Variants in TNC observed in about 807,000 individuals in gnomAD.
The protein encoded by TNC is tenascin.
In TNC, 109 loss-of-function variants were observed where a neutral mutation model predicts 202.4. The observed-to-expected ratio is 0.54, with a 90% CI of 0.46 to 0.63. TNC has a LOEUF of 0.63. Ranked by LOEUF, TNC falls within the 30% of genes least tolerant of loss-of-function variation. The probability of loss-of-function intolerance (pLI) is 0.00; values close to 1 mark genes in which losing one functional copy is unlikely to be tolerated. For synonymous variants in TNC, 1,007 were observed against 1,089.7 expected (o/e 0.92, Z 1.50); for missense variants, 2,756 against 2,833.3 (o/e 0.97, Z 0.62).
intron 19 of TNC, among the ~76,000 whole-genome samples, chr9:115,040,211 T>G (rs78071123): frequency 0.046 from 6,946 of 152,346 alleles, 234 homozygotes; most frequent in Non-Finnish European, 0.07. Flanking sequence ...CCGACCTATG[T>G]TCAAATTTGG....
Position 115,073,695 on chromosome 9 carries a change from C to T in TNC, c.3122G>A (p.Arg1041Lys), listed in dbSNP as rs761076779. ...LPRNTTSYVL[R>K]GLEPGQEYNV... is the part of the protein sequence containing the mutation. ...GTACTCCTGTCCTGGTTCCAGGCCTCTCAGGACATAGGAAGTGGTGTTTCT... is the reference window on the plus strand; with the variant it reads ...GTACTCCTGTCCTGGTTCCAGGCCTTTCAGGACATAGGAAGTGGTGTTTCT... Residue 1041 changes from arginine (R) to lysine (K), a missense_variant, in exon 10 of 28, where the codon AGA becomes AAA. By Grantham distance (26) the Arg-to-Lys change is conservative (BLOSUM62 2). Around this residue, in one of 2 missense-constraint regions of TNC, gnomAD observed 2,559 missense variants for 2,546.0 expected, o/e 1.01. Coordinates refer to ENST00000350763, the MANE Select transcript of TNC (RefSeq NM_002160.4). 11 of 1,614,144 alleles carry T rather than the reference C, an allele frequency of 6.8e-6. No individual in the cohort carries two copies. In the South Asian group the frequency reaches 1.2e-4, roughly 18 times the overall value.
rs757229760 is a variant in TNC at position 115,035,338 on chromosome 9, G to A, written c.5657-4C>T. On this transcript the variant is annotated splice_polypyrimidine_tract_variant and splice_region_variant and intron_variant, in intron 21 of 27. Transcript: ENST00000350763. ...AAGTCTCTTGGAGAATCGAGGTCTG[G>A]AGAAGACAGGATGATTAATATCGGA... 4 of 1,608,572 alleles carry A rather than the reference G, an allele frequency of 2.5e-6. No individual in the cohort carries two copies. Among genetic ancestry groups the A allele is most frequent in the Non-Finnish European group, 3.4e-6 (4 of 1,177,822 alleles).
chr9:115,064,767 G>C lies in TNC; in HGVS notation c.3367C>G (p.Pro1123Ala). Residue 1123 changes from proline (P) to alanine (A), a missense_variant, in exon 11 of 28, where the codon CCT becomes GCT. Physicochemically the swap from Pro to Ala is conservative, Grantham distance 27. Transcript: ENST00000350763. ...KVEAARNLTVPGSLRAVDIPG... is the reference protein window; with the variant it reads ...KVEAARNLTVAGSLRAVDIPG... ...ATGTCCACAGCCCGAAGGCTGCCAG[G>C]CACGGTGAGGTTCCGAGCTGCCTCC... 1.2e-6 allele frequency: 2 copies of C among 1,614,186 alleles called. No individual in the cohort carries two copies. Among genetic ancestry groups the C allele is most frequent in the South Asian group, 1.1e-5 (1 of 91,080 alleles).
intron 16 of TNC, among the ~76,000 whole-genome samples, chr9:115,047,079 T>C (rs916936785): frequency 1.3e-5 from 2 of 152,124 alleles, no homozygotes; most frequent in Non-Finnish European, 2.9e-5. Context: ...TCTTTTCTTT[T>C]TGAAAAGACA....
Position 115,090,596 on chromosome 9 carries a change from A to G in TNC, c.423T>C (p.Thr141=). The change falls in exon 2 of 28, where the codon ACT becomes ACC. Residue 141 remains threonine, a synonymous_variant. Transcript: ENST00000350763. The part of the protein sequence containing the change: ...NLVSSLREQC[T]AGAGCCLQPA... ...GCTGGAGACAGCAGCCTGCTCCTGC[A>G]GTACATTGCTCCCTCAGGGAAGACA... 6.3e-7 allele frequency: 1 copy of G among 1,592,946 alleles called. No homozygotes were observed.
intron 19 of TNC, among the ~76,000 whole-genome samples, chr9:115,040,674 C>A (rs192307081): frequency 6.6e-6 from 1 of 152,270 alleles, no homozygotes; most frequent in African/African-American, 2.4e-5. Context: ...CAAACTTGGA[C>A]TTTTTCTTTC....
At chr9:115,022,944 A>G (rs554194559) in intron 27 of TNC, among the ~76,000 whole-genome samples, 2 of 152,152 alleles carry the variant, frequency 1.3e-5, no homozygotes, top group South Asian at 4.1e-4. Context: ...TTGAAAAGCA[A>G]CAGGTCCCAA....
intron 19 of TNC, among the ~76,000 whole-genome samples, chr9:115,039,836 C>T (rs1830600116): frequency 6.6e-6 from 1 of 152,184 alleles, no homozygotes; most frequent in Non-Finnish European, 1.5e-5. Flanking sequence ...CATCTGTTGC[C>T]GTGGAGAATC....
Position 115,035,257 on chromosome 9 carries a change from C to A in TNC, c.5734G>T (p.Ala1912Ser). The A allele has an allele frequency of 6.2e-7, 1 of 1,613,354 alleles. No individual in the cohort carries two copies. The highest frequency in any genetic ancestry group is 8.5e-7 in the Non-Finnish European group (1 of 1,179,652). Residue 1912 changes from alanine to serine, a missense_variant, in exon 22 of 28, where the codon GCA (alanine) becomes TCA (serine). Around this residue, in one of 2 missense-constraint regions of TNC, gnomAD observed 2,559 missense variants for 2,546.0 expected, o/e 1.01. Coordinates refer to ENST00000350763, the MANE Select transcript of TNC (RefSeq NM_002160.4). ...TALLTWRPPR[A>S]SVTGYLLVYE... ...ACCAGCAGGTAACCGGTGACTGATGCCCGGGGGGGTCGCCAGGTAAGGAGG... is the reference window on the plus strand; with the variant it reads ...ACCAGCAGGTAACCGGTGACTGATGACCGGGGGGGTCGCCAGGTAAGGAGG...
chr9:115,062,650 CAT>C (rs529923238), intron 13 of TNC, among the ~76,000 whole-genome samples: 11 of 148,630 alleles, frequency 7.4e-5, no homozygotes, highest in Non-Finnish European at 1.0e-4. Flanking sequence ...TACACACACA[CAT>C]ATATATATAT....
In TNC at chr9:115,048,649, T is replaced by A. The variant is rs190145097; in HGVS notation, c.4580-117A>T. ...AGTCCATCATTCAATTTGTGTTATA[T>A]GCTTAGAAAATGAAAATTCAGTAAG... is the stretch of plus-strand genomic sequence containing the variant. On this transcript the variant is annotated intron_variant, in intron 15 of 27. Transcript: ENST00000350763. 3.8e-4 allele frequency: 414 copies of A among 1,091,904 alleles called. 2 individuals are homozygous for A. In the African/African-American group the frequency reaches 6.0e-3, roughly 16 times the overall value. The allele number at this position is 1,091,904 out of a possible 1,614,324, so 67.6% of individuals were successfully genotyped here. A position where few individuals can be genotyped will look rare whatever the true frequency, so the allele number is the denominator to read the frequency against.
chr9:115,034,435 G>A (rs1312161387), intron 22 of TNC, among the ~76,000 whole-genome samples: 2 of 152,158 alleles, frequency 1.3e-5, no homozygotes, highest in East Asian at 3.8e-4. Flanking sequence ...TCTCCAACAT[G>A]AAAGACAGAA....
At chr9:115,067,308 A>T (rs1428331504) in intron 10 of TNC, among the ~76,000 whole-genome samples, 2 of 152,014 alleles carry the variant, frequency 1.3e-5, no homozygotes, top group African/African-American at 4.8e-5. Context: ...AATCAACCCT[A>T]TGTCTTCTTA....
chr9:115,041,571 T>C (rs1830760896), intron 18 of TNC, among the ~76,000 whole-genome samples: 1 of 152,178 alleles, frequency 6.6e-6, no homozygotes, highest in Non-Finnish European at 1.5e-5. Context: ...ACACAGAAAT[T>C]GTATTTCTTA....
At chr9:115,106,923 A>G (rs1488246377) in intron 1 of TNC, among the ~76,000 whole-genome samples, 1 of 152,186 alleles carries the variant, frequency 6.6e-6, no homozygotes, top group African/African-American at 2.4e-5. Flanking sequence ...TATGGCAGGA[A>G]ATTCAAGAAA....
chr9:115,094,108 C>T (rs1835434228), intron 1 of TNC, among the ~76,000 whole-genome samples: 1 of 152,112 alleles, frequency 6.6e-6, no homozygotes, highest in Non-Finnish European at 1.5e-5. Flanking sequence ...AAAACCTTTC[C>T]AGAGAAAATT....
Position 115,057,212 on chromosome 9 carries a change from T to G in TNC, c.4520A>C (p.Tyr1507Ser), listed in dbSNP as rs1588082922. 1.2e-6 allele frequency: 2 copies of G among 1,613,964 alleles called. No individual in the cohort carries two copies. Among genetic ancestry groups the G allele is most frequent in the Non-Finnish European group, 1.7e-6 (2 of 1,179,976 alleles). Residue 1507 changes from tyrosine to serine, a missense_variant, in exon 15 of 28, where the codon TAC (tyrosine) becomes TCC (serine). Tyr to Ser is a moderately radical substitution (Grantham distance 144). This residue lies in a region of TNC where 2,559 missense variants were observed against 2,546.0 expected (regional missense o/e 1.01). Transcript: ENST00000350763. The part of the protein sequence containing the change: ...GLPPSTDFIV[Y>S]LSGLAPSIRT... ...GATGCTGGGAGCAAGTCCAGAGAGG[T>G]AGACAATAAAATCAGTACTAGGGGG...
intron 1 of TNC, among the ~76,000 whole-genome samples, chr9:115,115,624 A>G (rs1182610255): frequency 3.3e-5 from 5 of 152,154 alleles, no homozygotes; most frequent in South Asian, 2.1e-4. Context: ...TTTATTTCTC[A>G]TTCATATTCC....
intron 21 of TNC, 154 bp downstream of exon 21, chr9:115,035,944 G>T (rs1421121443): frequency 1.2e-6 from 1 of 862,712 alleles, no homozygotes; most frequent in Non-Finnish European, 1.8e-6. Context: ...GGCCTTGACT[G>T]AGTGGGCACT....
Sources: gnomAD v4.1 joint callset for allele counts (sites outside exome capture counted in the v4.1 genomes callset) on GRCh38, gnomAD v4.1.1 for gene constraint, gnomAD v4.1.1 regional missense constraint, MANE v1.5 for transcripts, NCBI Gene and HGNC (gene_info 2026-07-23, HGNC 2026-07-21) for gene names.